Variants in ZBBX observed in about 807,000 individuals in gnomAD.
ZBBX encodes zinc finger B-box domain containing, also known as zinc finger B-box domain-containing protein 1.
In ZBBX, 101 loss-of-function variants were observed where a neutral mutation model predicts 108.5. The observed-to-expected ratio is 0.93, with a 90% CI of 0.79 to 1.10. The LOEUF is 1.10. Ranked by LOEUF, ZBBX falls within the 50% of genes least tolerant of loss-of-function variation. The probability of loss-of-function intolerance (pLI) is 0.00; values close to 1 mark genes in which losing one functional copy is unlikely to be tolerated. For missense variants in ZBBX, 1,009 were observed against 941.4 expected (o/e 1.07, Z -0.94); for synonymous variants, 356 against 323.4 (o/e 1.10, Z -1.08).
intron 12 of ZBBX, among the ~76,000 whole-genome samples, chr3:167,319,491 C>A (rs147051203): frequency 6.6e-5 from 10 of 151,934 alleles, no homozygotes; most frequent in African/African-American, 2.2e-4. Context: ...CTGTACACCA[C>A]AAGTTTATTC....
intron 1 of ZBBX, among the ~76,000 whole-genome samples, chr3:167,402,369 G>A (rs1748452643): frequency 1.3e-5 from 2 of 152,136 alleles, no homozygotes; most frequent in Non-Finnish European, 2.9e-5. Context: ...GGGTTAACAA[G>A]AGGGAAGCTT....
chr3:167,324,338 T>A (rs1163037121), intron 11 of ZBBX, among the ~76,000 whole-genome samples: 2 of 151,900 alleles, frequency 1.3e-5, no homozygotes, highest in Non-Finnish European at 2.9e-5. Flanking sequence ...AGAGATGAGG[T>A]CTCACTACAT....
chr3:167,242,610 T>A lies in ZBBX; in HGVS notation c.2288A>T (p.Glu763Val). The A allele has an allele frequency of 6.2e-7, 1 of 1,613,448 alleles. No individual in the cohort carries two copies. Among genetic ancestry groups the A allele is most frequent in the South Asian group, 1.1e-5 (1 of 90,984 alleles). The change falls in exon 21 of 22, where the codon GAA becomes GTA. Residue 763 changes from glutamate to valine, a missense_variant. Glu to Val is a moderately radical substitution (Grantham distance 121). Coordinates refer to ENST00000675490, the MANE Select transcript of ZBBX (RefSeq NM_001199201.2). ...TTGGCTGCTGAAATCTGGGAACTCT[T>A]CTGAGGTTAAGCTGTAAAGCTTTTC... The part of the protein sequence containing the change: ...TSEKLYSLTS[E>V]EFPDFSSQSL...
chr3:167,293,898 A>T (rs1731158898), intron 18 of ZBBX, among the ~76,000 whole-genome samples: 1 of 151,970 alleles, frequency 6.6e-6, no homozygotes. Flanking sequence ...CTATACACCT[A>T]TAACAGACAA....
intron 20 of ZBBX, among the ~76,000 whole-genome samples, chr3:167,257,112 T>C (rs750874696): frequency 9.9e-5 from 15 of 152,206 alleles, no homozygotes; most frequent in Non-Finnish European, 2.2e-4. Flanking sequence ...GGTTCCCTTT[T>C]CTCCACATGC....
chr3:167,185,398 T>G, the ZBBX span, among the ~76,000 whole-genome samples: 1 of 152,128 alleles, frequency 6.6e-6, no homozygotes, highest in East Asian at 1.9e-4. Flanking sequence ...TTTGGTGGAA[T>G]AGGAATGGAA....
chr3:167,388,757 A>G (rs1016048118), intron 1 of ZBBX, among the ~76,000 whole-genome samples: 1 of 152,034 alleles, frequency 6.6e-6, no homozygotes, highest in Non-Finnish European at 1.5e-5. Context: ...CTGGTCTAAG[A>G]TAAATGACCC....
chr3:167,265,822 T>C (rs1036914844), intron 20 of ZBBX, among the ~76,000 whole-genome samples: 6 of 152,228 alleles, frequency 3.9e-5, no homozygotes, highest in Admixed American at 3.3e-4. Flanking sequence ...CCTCCATGCA[T>C]GGGCACTGGC....
At chr3:167,340,000 A>G (rs1324601164) in intron 9 of ZBBX, among the ~76,000 whole-genome samples, 1 of 152,112 alleles carries the variant, frequency 6.6e-6, no homozygotes, top group East Asian at 1.9e-4. Flanking sequence ...TTGTGGCAGC[A>G]ACACATGTAT....
intron 20 of ZBBX, among the ~76,000 whole-genome samples, chr3:167,260,110 C>T (rs1724215240): frequency 6.6e-6 from 1 of 152,102 alleles, no homozygotes; most frequent in South Asian, 2.1e-4. Flanking sequence ...TCACTGGATA[C>T]AAAATTCTTG....
chr3:167,310,575 A>G (rs1734410166), intron 16 of ZBBX, among the ~76,000 whole-genome samples: 1 of 152,114 alleles, frequency 6.6e-6, no homozygotes, highest in Admixed American at 6.6e-5. Flanking sequence ...CAAGGCATGT[A>G]TTACATGTTG....
intron 12 of ZBBX, among the ~76,000 whole-genome samples, chr3:167,318,504 C>T (rs954447179): frequency 4.6e-5 from 7 of 151,954 alleles, no homozygotes; most frequent in African/African-American, 7.2e-5. Flanking sequence ...GGAATTTGAA[C>T]TCAAGGAGTC....
intron 16 of ZBBX, among the ~76,000 whole-genome samples, chr3:167,307,173 A>C (rs143978626): frequency 2.6e-5 from 4 of 152,312 alleles, no homozygotes; most frequent in Non-Finnish European, 2.9e-5. Context: ...AGCCAACATC[A>C]TACTGAAAGG....
At chr3:167,314,649 GAATACCATTAT>G (rs1315672770) in intron 15 of ZBBX, among the ~76,000 whole-genome samples, 1 of 152,086 alleles carries the variant, frequency 6.6e-6, no homozygotes, top group Non-Finnish European at 1.5e-5. Flanking sequence ...AAGCTCTACA[GAATACCATTAT>G]AAAACTTCTG....
At chr3:167,391,299 A>G (rs1469561858) in intron 1 of ZBBX, among the ~76,000 whole-genome samples, 1 of 151,948 alleles carries the variant, frequency 6.6e-6, no homozygotes, top group Non-Finnish European at 1.5e-5. Flanking sequence ...ATTGATTTAT[A>G]TATGTTGACC....
At chr3:167,200,642 C>T in the ZBBX span, among the ~76,000 whole-genome samples, 119 of 152,246 alleles carry the variant, frequency 7.8e-4, 1 homozygote, top group African/African-American at 2.8e-3. Flanking sequence ...AATATTTATT[C>T]AGTTATTCAC....
At chr3:167,182,162 CA>C in the ZBBX span, among the ~76,000 whole-genome samples, 1 of 152,156 alleles carries the variant, frequency 6.6e-6, no homozygotes, top group Non-Finnish European at 1.5e-5. Flanking sequence ...ATGCTTCCCA[CA>C]GTTAAAACAA....
intron 9 of ZBBX, among the ~76,000 whole-genome samples, chr3:167,344,116 T>C (rs1488736483): frequency 6.6e-6 from 1 of 151,764 alleles, no homozygotes; most frequent in Non-Finnish European, 1.5e-5. Context: ...AAGCCACTCA[T>C]AAAAGGCCAC....
intron 1 of ZBBX, among the ~76,000 whole-genome samples, chr3:167,385,769 A>G (rs1007192566): frequency 1.1e-4 from 17 of 152,176 alleles, no homozygotes; most frequent in African/African-American, 4.1e-4. Flanking sequence ...TCCCCAGGCG[A>G]TAAGTAATTT....
Sources: allele counts gnomAD v4.1 joint callset (sites outside exome capture counted in the v4.1 genomes callset), GRCh38; gene constraint gnomAD v4.1.1; transcripts MANE v1.5; gene names NCBI Gene and HGNC (gene_info 2026-07-23, HGNC 2026-07-21).